The following BEST1 variants were observed in gnomAD, a reference collection of about 807,000 sequenced individuals.
The protein encoded by BEST1 is bestrophin 1.
BEST1 carries 58 observed loss-of-function variants against 63.3 expected under a neutral mutation model. That is an observed-to-expected ratio of 0.92 (90% confidence interval 0.74 to 1.14). BEST1 has a LOEUF of 1.14. Ranked by LOEUF, BEST1 falls within the 50% of genes most tolerant of loss-of-function variation. BEST1 has a pLI of 0.00. For missense variants in BEST1, 671 were observed against 740.1 expected (o/e 0.91, Z 1.08); for synonymous variants, 283 against 291.6 (o/e 0.97, Z 0.30).
chr11:61,957,971 C>CACAAACAA (rs201618914), intron 6 of BEST1, among the ~76,000 whole-genome samples, 175 bp from the exon 7 acceptor site: 3 of 58,792 alleles, frequency 5.1e-5, no homozygotes, highest in East Asian at 6.0e-4. Flanking sequence ...AAGACTCTGT[C>CACAAACAA]TCAAACAAAC....
chr11:61,959,657 G>C (rs180785158), intron 8 of BEST1, 79 bp downstream of exon 8: 1 of 1,509,238 alleles, frequency 6.6e-7, no homozygotes, highest in East Asian at 2.3e-5. Context: ...TGTTCTGTAG[G>C]GAGGCCTCAC....
chr11:61,958,401 C>T (rs752199197), intron 7 of BEST1, 103 bp downstream of exon 7: 13 of 1,587,688 alleles, frequency 8.2e-6, no homozygotes, highest in Admixed American at 1.8e-5. Flanking sequence ...GAAGGTCTCA[C>T]GGGTAGAAAG....
Position 61,952,430 on chromosome 11 carries a change from A to C in BEST1, c.152+472A>C, listed in dbSNP as rs74746022. Among the ~76,000 whole-genome samples the C allele has an allele frequency of 0.016, 2,340 of 146,270 alleles. 322 individuals are homozygous for C. In the East Asian group the frequency reaches 0.36, roughly 22 times the overall value. On this transcript the variant is annotated intron_variant, in intron 2 of 10. Coordinates refer to ENST00000378043, the MANE Select transcript of BEST1 (RefSeq NM_004183.4). Reference sequence around the variant, plus strand: ...CCAAGGGGCTGGGATTACAGGTGTGAGCTACTGCACTTGACCAACCACATG... The same window carrying C: ...CCAAGGGGCTGGGATTACAGGTGTGCGCTACTGCACTTGACCAACCACATG...
chr11:61,962,004 T>G (rs1591310590), intron 9 of BEST1: 8 of 539,070 alleles, frequency 1.5e-5, no homozygotes, highest in South Asian at 2.3e-5. Context: ...CCAGGCGGGG[T>G]GGTTGCGGGG....
intron 2 of BEST1, chr11:61,954,730 G>A (rs1180429392): frequency 8.7e-6 from 8 of 914,514 alleles, no homozygotes; most frequent in South Asian, 5.0e-5. Context: ...GATTACAGGC[G>A]TGAACCACCG....
At chr11:61,963,620 C>G in intron 10 of BEST1, 1 of 1,025,036 alleles carries the variant, frequency 9.8e-7, no homozygotes, top group Non-Finnish European at 1.2e-6. Context: ...GTTACTTTCA[C>G]GGTCAGAACA....
At chr11:61,960,161 T>C (rs531223154) in intron 9 of BEST1, 118 bp downstream of exon 9, 1 of 1,317,160 alleles carries the variant, frequency 7.6e-7, no homozygotes, top group Non-Finnish European at 1.1e-6. Flanking sequence ...TCAGGCACTG[T>C]ACTATGCTCT....
Position 61,959,564 on chromosome 11 carries a change from G to C in BEST1, c.934G>C (p.Asp312His). Residue 312 changes from aspartate to histidine, a missense_variant, in exon 8 of 11, where the codon GAC (aspartate) becomes CAC (histidine). Physicochemically the swap from Asp to His is moderately conservative, Grantham distance 81. Transcript: ENST00000378043. ...DDDFETNWIVDRNLQVSLLAV... is the reference protein window; with the variant it reads ...DDDFETNWIVHRNLQVSLLAV... ...TGATTTTGAGACCAACTGGATTGTC[G>C]ACAGGAATTTGCAGGTATGGGGAGA... is the stretch of plus-strand genomic sequence containing the variant. 6.2e-7 allele frequency: 1 copy of C among 1,613,996 alleles called. No homozygotes were observed. The highest frequency in any genetic ancestry group is 2.2e-5 in the East Asian group (1 of 44,894).
At position 61,959,564 on chromosome 11, in the gene BEST1, G is replaced by A. The variant is rs281865277; in HGVS notation, c.934G>A (p.Asp312Asn). ...DDDFETNWIV[D>N]RNLQVSLLAV... Reference sequence around the variant, plus strand: ...TGATTTTGAGACCAACTGGATTGTCGACAGGAATTTGCAGGTATGGGGAGA... The same window carrying A: ...TGATTTTGAGACCAACTGGATTGTCAACAGGAATTTGCAGGTATGGGGAGA... The change falls in exon 8 of 11, where the codon GAC (aspartate) becomes AAC (asparagine). Residue 312 changes from aspartate (D) to asparagine (N), a missense_variant. Asp to Asn is a conservative substitution (Grantham distance 23, BLOSUM62 1). Transcript: ENST00000378043. 110 of 1,613,996 alleles carry A rather than the reference G, an allele frequency of 6.8e-5. No homozygotes were observed. Among genetic ancestry groups the A allele is most frequent in the Non-Finnish European group, 8.8e-5 (104 of 1,180,020 alleles).
At chr11:61,953,585 C>T (rs1481234335) in intron 2 of BEST1, among the ~76,000 whole-genome samples, 1 of 152,148 alleles carries the variant, frequency 6.6e-6, no homozygotes, top group East Asian at 1.9e-4. Flanking sequence ...TGGCACGCAC[C>T]TGTAGTTCCA....
rs369486390 is a variant in BEST1, at chr11:61,955,219, G to C, written c.247+18G>C. ...CGTGCTGGGTGAGTTCCCCCTTCTG[G>C]CTGTTCCGGGTCCCTGTGGCCGCCC... is the stretch of plus-strand genomic sequence containing the variant. On this transcript the variant is annotated intron_variant, in intron 3 of 10. Coordinates refer to ENST00000378043, the MANE Select transcript of BEST1 (RefSeq NM_004183.4). 4.6e-5 allele frequency: 74 copies of C among 1,614,134 alleles called. 1 individual carries two copies. In the African/African-American group the frequency reaches 8.1e-4, roughly 18 times the overall value.
chr11:61,958,889 C>CACACACACACACACACAT (rs934363475), intron 7 of BEST1: 3 of 93,100 alleles, frequency 3.2e-5, no homozygotes, highest in African/African-American at 1.1e-4. Context: ...CACACACACA[C>CACACACACACACACACAT]ACACACACAC....
intron 9 of BEST1, 195 bp from the exon 10 acceptor site, chr11:61,962,060 T>C (rs1942120033): frequency 1.6e-6 from 1 of 617,202 alleles, no homozygotes; most frequent in Non-Finnish European, 2.9e-6. Flanking sequence ...AACAGTGAGG[T>C]GAGCTGGGCC....
intron 2 of BEST1, among the ~76,000 whole-genome samples, chr11:61,952,780 A>G (rs2134414923): frequency 6.6e-6 from 1 of 151,998 alleles, no homozygotes; most frequent in South Asian, 2.1e-4. Flanking sequence ...CACAGCCCAC[A>G]TGGTACATTT....
At chr11:61,963,029 A>G (rs773888188) in intron 10 of BEST1, 136 bp downstream of exon 10, 1 of 1,562,350 alleles carries the variant, frequency 6.4e-7, no homozygotes, top group South Asian at 1.2e-5. Flanking sequence ...TACGCCCAGC[A>G]CTGGCTTGGG....
At position 61,964,308 on chromosome 11, in the gene BEST1, C is replaced by A. The variant is rs894975964; in HGVS notation, c.*186C>A. The A allele has an allele frequency of 8.7e-7, 1 of 1,153,798 alleles. No individual in the cohort carries two copies. The highest frequency in any genetic ancestry group is 1.2e-6 in the Non-Finnish European group (1 of 831,252). The allele number at this position is 1,153,798 out of a possible 1,614,324, so 71.5% of individuals were successfully genotyped here. ...ACTTCAGCCTTTAATGCCTTTTATT[C>A]ATAAAAACTGTGAAAGCTAGACTGA... On this transcript the variant is annotated 3_prime_UTR_variant, in exon 11 of 11. Coordinates refer to ENST00000378043, the MANE Select transcript of BEST1 (RefSeq NM_004183.4).
rs147487528 is a variant in BEST1, at chr11:61,963,533, A to C, written c.1740-571A>C. The C allele has an allele frequency of 1.8e-5, 19 of 1,031,482 alleles. No individual in the cohort carries two copies. In the African/African-American group the frequency reaches 3.2e-4, roughly 18 times the overall value. 63.9% of individuals were successfully genotyped at this position (1,031,482 alleles called of 1,614,324 possible). On this transcript the variant is annotated intron_variant, in intron 10 of 10. Transcript: ENST00000378043. ...TATTCCAGATTTCCTGGACACTTTCACCCAATTATAAACACCCCACTTCAG... is the reference window on the plus strand; with the variant it reads ...TATTCCAGATTTCCTGGACACTTTCCCCCAATTATAAACACCCCACTTCAG...
At chr11:61,952,301 AAAAG>A (rs758182852) in intron 2 of BEST1, among the ~76,000 whole-genome samples, 1 of 61,000 alleles carries the variant, frequency 1.6e-5, no homozygotes, top group Non-Finnish European at 3.0e-5. Flanking sequence ...AGTACATTAA[AAAAG>A]AGAGAGAGAG....
Position 61,963,119 on chromosome 11 carries a change from A to G in BEST1, c.1739+226A>G, listed in dbSNP as rs1300477881. 3 of 1,460,690 alleles carry G rather than the reference A, an allele frequency of 2.1e-6. No homozygotes were observed. In the Admixed American group the frequency reaches 8.3e-5, roughly 41 times the overall value. The allele number at this position is 1,460,690 out of a possible 1,614,324, so 90.5% of individuals were successfully genotyped here. ...TCACTTCACCCTGGTATCACCCGGA[A>G]GACTTCTTGGGACCAGGTGAAGGAA... On this transcript the variant is annotated intron_variant, in intron 10 of 10. Coordinates refer to ENST00000378043, the MANE Select transcript of BEST1 (RefSeq NM_004183.4).
Sources: gnomAD v4.1 joint callset for allele counts (sites outside exome capture counted in the v4.1 genomes callset) on GRCh38, gnomAD v4.1.1 for gene constraint, MANE v1.5 for transcripts, NCBI Gene and HGNC (gene_info 2026-07-23, HGNC 2026-07-21) for gene names.